Variants in SERPINB9 observed in about 807,000 individuals in gnomAD.
SERPINB9 encodes the protein serpin B9.
Under a neutral mutation model 27.2 loss-of-function variants are expected in SERPINB9, and 20 were observed. That is an observed-to-expected ratio of 0.74 (90% CI 0.52 to 1.07). The LOEUF is 1.07. Among genes scored for constraint, SERPINB9 ranks in the 50% least tolerant of loss-of-function variants. SERPINB9 has a pLI of 0.00. For missense variants in SERPINB9, 476 were observed against 460.1 expected (o/e 1.03, Z -0.32); for synonymous variants, 189 against 180.0 (o/e 1.05, Z -0.40).
intron 4 of SERPINB9, among the ~76,000 whole-genome samples, chr6:2,893,985 A>G (rs531526079): frequency 3.9e-5 from 6 of 152,146 alleles, no homozygotes; most frequent in African/African-American, 1.4e-4. Context: ...CAAAGCGGGA[A>G]GAGCTGACAT....
At position 2,888,655 on chromosome 6, in the gene SERPINB9, G is replaced by C. The variant is rs1767674561; in HGVS notation, c.*1508C>G. On this transcript the variant is annotated 3_prime_UTR_variant, in exon 7 of 7. Transcript: ENST00000380698. ...CCATAGAGACAGAAAGCAGATTGGT[G>C]GTTGCTGGGGGCTGGAGGAAGGAAG... is the stretch of plus-strand genomic sequence containing the variant. 6.6e-6 allele frequency: 1 copy of C among 152,130 alleles called. No homozygotes were observed. The highest frequency in any genetic ancestry group is 2.4e-5 in the African/African-American group (1 of 41,414). The allele number at this position is 152,130 out of a possible 1,614,324, so 9.4% of individuals were successfully genotyped here.
chr6:2,899,708 G>A (rs902398437), intron 2 of SERPINB9: 8 of 267,940 alleles, frequency 3.0e-5, no homozygotes, highest in African/African-American at 1.8e-4. Context: ...CAATGAGCTG[G>A]GAAATTATTA....
rs938134521 is a variant in SERPINB9 at position 2,889,097 on chromosome 6, G to A, written c.*1066C>T. The A allele has an allele frequency of 6.6e-6, 1 of 152,106 alleles. No homozygotes were observed. The highest frequency in any genetic ancestry group is 2.4e-5 in the African/African-American group (1 of 41,410). The allele number at this position is 152,106 out of a possible 1,614,324, so 9.4% of individuals were successfully genotyped here. A position where few individuals can be genotyped will look rare whatever the true frequency, so the allele number is the denominator to read the frequency against. ...AGTTCAAATATGTACATCTGGTTGC[G>A]GAGAAAGGAAAAACTTCTCAAAGAA... On this transcript the variant is annotated 3_prime_UTR_variant, in exon 7 of 7. Transcript: ENST00000380698.
rs1767677905 is a variant in SERPINB9, at chr6:2,888,779, A to G, written c.*1384T>C. ...AGGTGGTGGTTATGCAACATTGTTAACAATACTAAGTGGCACTGAACTTCT... is the reference window on the plus strand; with the variant it reads ...AGGTGGTGGTTATGCAACATTGTTAGCAATACTAAGTGGCACTGAACTTCT... On this transcript the variant is annotated 3_prime_UTR_variant, in exon 7 of 7. Transcript: ENST00000380698. 6.6e-6 allele frequency: 1 copy of G among 152,168 alleles called. No homozygotes were observed. The highest frequency in any genetic ancestry group is 2.1e-4 in the South Asian group (1 of 4,824). The allele number at this position is 152,168 out of a possible 1,614,324, so 9.4% of individuals were successfully genotyped here.
At position 2,898,614 on chromosome 6, in the gene SERPINB9, G is replaced by C. The variant is rs183314530; in HGVS notation, c.168+1830C>G. On this transcript the variant is annotated intron_variant, in intron 2 of 6. Coordinates refer to ENST00000380698, the MANE Select transcript of SERPINB9 (RefSeq NM_004155.6). ...GGGTGGATCACGAGGTCAGGTGATC[G>C]AGACCATCCTGACTAACACAGTGAA... 2.0e-5 allele frequency among the ~76,000 whole-genome samples: 3 copies of C among 152,224 alleles called. No individual in the cohort carries two copies. In the East Asian group the frequency reaches 5.8e-4, roughly 29 times the overall value.
Position 2,891,487 on chromosome 6 carries a change from C to G in SERPINB9, c.723+346G>C, listed in dbSNP as rs530649131. ...CATCATAACTCTAGGAGGCAATAAC[C>G]CCGAGCAGTCATTTATGCTTTTAGA... is the stretch of plus-strand genomic sequence containing the variant. On this transcript the variant is annotated intron_variant, in intron 6 of 6. Transcript: ENST00000380698. The surrounding 1 kb of genome is among the most constrained non-coding windows in gnomAD (Gnocchi z 4.0). 6.6e-6 allele frequency among the ~76,000 whole-genome samples: 1 copy of G among 152,180 alleles called. No individual in the cohort carries two copies. The highest frequency in any genetic ancestry group is 1.9e-4 in the East Asian group (1 of 5,182).
At chr6:2,895,991 C>T in intron 3 of SERPINB9, 62 bp downstream of exon 3, 2 of 1,503,114 alleles carry the variant, frequency 1.3e-6, no homozygotes, top group African/African-American at 1.4e-5. Context: ...GGTCTTTCTC[C>T]CAGACTCTAT....
Position 2,900,526 on chromosome 6 carries a change from A to C in SERPINB9, c.86T>G (p.Phe29Cys). Reference protein sequence around the residue: ...LCQDNPSHNVFCSPVSISSAL... With the variant: ...LCQDNPSHNVCCSPVSISSAL... ...AGAGGAGATGCTCACAGGAGAACAG[A>C]ACACGTTGTGCGAAGGGTTATCTTG... is the stretch of plus-strand genomic sequence containing the variant. Residue 29 changes from phenylalanine to cysteine, a missense_variant, in exon 2 of 7, where the codon TTC (phenylalanine) becomes TGC (cysteine). By Grantham distance (205) the Phe-to-Cys change is radical. Coordinates refer to ENST00000380698, the MANE Select transcript of SERPINB9 (RefSeq NM_004155.6). 1 of 1,614,206 alleles carries C rather than the reference A, an allele frequency of 6.2e-7. No individual in the cohort carries two copies. The highest frequency in any genetic ancestry group is 8.5e-7 in the Non-Finnish European group (1 of 1,180,046).
At chr6:2,900,785 A>C (rs1360376198) in intron 1 of SERPINB9, among the ~76,000 whole-genome samples, 164 bp from the exon 2 acceptor site, 2 of 152,024 alleles carry the variant, frequency 1.3e-5, no homozygotes, top group Non-Finnish European at 2.9e-5. Flanking sequence ...TCCGGCCAAA[A>C]ATTAAGTGCA....
chr6:2,896,216 T>G, intron 2 of SERPINB9, 26 bp from the exon 3 acceptor site: 1 of 1,609,156 alleles, frequency 6.2e-7, no homozygotes, highest in Non-Finnish European at 8.5e-7. Flanking sequence ...ATTTTAAAAG[T>G]TATCAAGATA....
At chr6:2,901,857 C>T (rs905954410) in intron 1 of SERPINB9, among the ~76,000 whole-genome samples, 1 of 152,154 alleles carries the variant, frequency 6.6e-6, no homozygotes, top group African/African-American at 2.4e-5. Context: ...ACTGTCGGGA[C>T]ACCTCATCTG....
rs1768258260 is a variant in SERPINB9 at position 2,903,170 on chromosome 6, C to G, written c.-11+31G>C. On this transcript the variant is annotated intron_variant, in intron 1 of 6. Transcript: ENST00000380698. This position sits in a 1 kb window ranked among gnomAD's most constrained non-coding sequence, Gnocchi z 5.2. ...ACCTGAAGCTCGCCACTCCCGTCCC[C>G]TACCCCAGCCGTGCGCGGGGACGCC... 6.6e-6 allele frequency: 1 copy of G among 152,330 alleles called. No individual in the cohort carries two copies. The highest frequency in any genetic ancestry group is 1.5e-5 in the Non-Finnish European group (1 of 68,134). The allele number at this position is 152,330 out of a possible 1,614,324, so 9.4% of individuals were successfully genotyped here.
At chr6:2,900,748 T>C in intron 1 of SERPINB9, 127 bp from the exon 2 acceptor site, 2 of 873,868 alleles carry the variant, frequency 2.3e-6, no homozygotes, top group South Asian at 1.8e-5. Flanking sequence ...TATTTTAAAT[T>C]GGAGAAAAAT....
intron 2 of SERPINB9, 143 bp downstream of exon 2, chr6:2,900,301 C>T: frequency 2.1e-6 from 2 of 951,446 alleles, no homozygotes; most frequent in Non-Finnish European, 3.1e-6. Context: ...CCCCAGTGGA[C>T]CCCGCCTCCC....
intron 2 of SERPINB9, among the ~76,000 whole-genome samples, chr6:2,896,525 G>A (rs1404689780): frequency 6.6e-6 from 1 of 152,000 alleles, no homozygotes; most frequent in Non-Finnish European, 1.5e-5. Context: ...ACAATCATCA[G>A]AATCCTCAAA....
In SERPINB9 at chr6:2,903,017, C is replaced by T. The variant is rs1417618330; in HGVS notation, c.-11+184G>A. Among the ~76,000 whole-genome samples, 1 of 152,188 alleles carries T rather than the reference C, an allele frequency of 6.6e-6. No individual in the cohort carries two copies. Among genetic ancestry groups the T allele is most frequent in the African/African-American group, 2.4e-5 (1 of 41,450 alleles). On this transcript the variant is annotated intron_variant, in intron 1 of 6. Coordinates refer to ENST00000380698, the MANE Select transcript of SERPINB9 (RefSeq NM_004155.6). The surrounding 1 kb of genome is among the most constrained non-coding windows in gnomAD (Gnocchi z 5.2). ...GGCTGTGGGCCGCCAAGGCGGAGAC[C>T]GGCTGCCGCTCCCAGGCACCCCCCA...
intron 2 of SERPINB9, 145 bp from the exon 3 acceptor site, chr6:2,896,335 C>T: frequency 3.4e-6 from 2 of 584,622 alleles, no homozygotes; most frequent in East Asian, 2.9e-5. Flanking sequence ...CAGTAACACA[C>T]AAAAAATGAC....
Position 2,890,197 on chromosome 6 carries a change from C to T in SERPINB9, c.1097G>A (p.Ser366Asn), listed in dbSNP as rs1274664269. The T allele has an allele frequency of 6.2e-7, 1 of 1,614,158 alleles. No individual in the cohort carries two copies. Among genetic ancestry groups the T allele is most frequent in the Non-Finnish European group, 8.5e-7 (1 of 1,180,004 alleles). The change falls in exon 7 of 7, where the codon AGC (serine) becomes AAC (asparagine). Residue 366 changes from serine (S) to asparagine (N), a missense_variant. Coordinates refer to ENST00000380698, the MANE Select transcript of SERPINB9 (RefSeq NM_004155.6). This position sits in a 1 kb window ranked among gnomAD's most constrained non-coding sequence, Gnocchi z 6.2. ...TGAGAACCTGCCACAGAACAGAATG[C>T]TGTTGGCTCTGTTGTGCCTGATGAA... ...LFFIRHNRANSILFCGRFSSP is the reference protein window; with the variant it reads ...LFFIRHNRANNILFCGRFSSP
In SERPINB9 at chr6:2,889,766, C is replaced by G. The variant is rs1304333929; in HGVS notation, c.*397G>C. The G allele has an allele frequency of 6.2e-6, 1 of 160,420 alleles. No individual in the cohort carries two copies. Among genetic ancestry groups the G allele is most frequent in the Non-Finnish European group, 1.3e-5 (1 of 74,254 alleles). The allele number at this position is 160,420 out of a possible 1,614,324, so 9.9% of individuals were successfully genotyped here. ...CAACCTTTTTTATAAGGCTAAGCAC[C>G]AGGAAATCTATAAAATAGTAGCAAT... On this transcript the variant is annotated 3_prime_UTR_variant, in exon 7 of 7. Coordinates refer to ENST00000380698, the MANE Select transcript of SERPINB9 (RefSeq NM_004155.6).
Sources: allele counts gnomAD v4.1 joint callset (sites outside exome capture counted in the v4.1 genomes callset), GRCh38; gene constraint gnomAD v4.1.1; non-coding constraint Gnocchi (gnomAD v3.1); transcripts MANE v1.5; gene names NCBI Gene and HGNC (gene_info 2026-07-23, HGNC 2026-07-21).